Variants in RBM47 observed in about 807,000 individuals in gnomAD.
RBM47 encodes RNA binding motif protein 47.
Under a neutral mutation model 47.1 loss-of-function variants are expected in RBM47, and 21 were observed. That is an observed-to-expected ratio of 0.45 (90% CI 0.32 to 0.64). RBM47 has a LOEUF of 0.64. Among genes scored for constraint, RBM47 ranks in the 30% least tolerant of loss-of-function variants. The pLI is 0.05. For missense variants in RBM47, 708 were observed against 870.9 expected, an observed-to-expected ratio of 0.81 and a Z score of 2.35; for synonymous variants, 375 against 361.7, an observed-to-expected ratio of 1.04 and a Z score of -0.42.
intron 1 of RBM47, among the ~76,000 whole-genome samples, chr4:40,583,578 G>A (rs1013957227): frequency 2.6e-5 from 4 of 151,792 alleles, no homozygotes; most frequent in Non-Finnish European, 5.9e-5. Context: ...AGCAGAATGG[G>A]CCAGGCGCGG....
intron 3 of RBM47, among the ~76,000 whole-genome samples, chr4:40,456,593 A>G (rs1378766596): frequency 8.6e-6 from 1 of 116,896 alleles, no homozygotes; most frequent in Non-Finnish European, 1.7e-5. Flanking sequence ...TTTTTGAGAC[A>G]AGGGCTCTGT....
rs191833377 is a variant in RBM47, at chr4:40,568,925, G to C, written c.-239-24419C>G. Among the ~76,000 whole-genome samples, 99 of 151,840 alleles carry C rather than the reference G, an allele frequency of 6.5e-4. No homozygotes were observed. In the East Asian group the frequency reaches 0.01, roughly 16 times the overall value. The stretch of plus-strand genomic sequence containing the variant: ...GAAACCGGGAGGCGGAGGTTACAGT[G>C]AGCCGAGATTGCGCCATTGCACTCC... On this transcript the variant is annotated intron_variant, in intron 1 of 6. Coordinates refer to ENST00000295971, the MANE Select transcript of RBM47 (RefSeq NM_001098634.2).
chr4:40,541,136 A>T (rs1261519740), intron 2 of RBM47, among the ~76,000 whole-genome samples: 1 of 151,272 alleles, frequency 6.6e-6, no homozygotes, highest in Non-Finnish European at 1.5e-5. Flanking sequence ...AAAAAATTAA[A>T]AATTAGCTGG....
chr4:40,433,250 C>T (rs533603973), intron 5 of RBM47, among the ~76,000 whole-genome samples: 15 of 152,204 alleles, frequency 9.9e-5, no homozygotes, highest in South Asian at 2.1e-4. Context: ...TGTGAGCCAC[C>T]GCGCCCAGCC....
At chr4:40,613,298 T>C (rs1371606961) in intron 1 of RBM47, among the ~76,000 whole-genome samples, 1 of 152,160 alleles carries the variant, frequency 6.6e-6, no homozygotes, top group Non-Finnish European at 1.5e-5. Context: ...ACTAACAACT[T>C]TCTCAAAGTT....
intron 1 of RBM47, among the ~76,000 whole-genome samples, chr4:40,560,577 G>A (rs964594362): frequency 1.3e-5 from 2 of 152,192 alleles, no homozygotes; most frequent in South Asian, 2.1e-4. Context: ...TGACCTCCCC[G>A]ACCCTCTCCT....
chr4:40,596,476 T>C (rs1384134662), intron 1 of RBM47, among the ~76,000 whole-genome samples: 2 of 152,184 alleles, frequency 1.3e-5, no homozygotes, highest in Non-Finnish European at 2.9e-5. Context: ...TAGCAACCAT[T>C]TTGTAAAGGG....
chr4:40,509,113 T>C (rs1425939870), intron 2 of RBM47, among the ~76,000 whole-genome samples: 4 of 151,882 alleles, frequency 2.6e-5, no homozygotes, highest in Non-Finnish European at 5.9e-5. Context: ...TGAGCCGAGA[T>C]TGTGCCACTG....
chr4:40,613,823 C>G (rs1323951627), intron 1 of RBM47, among the ~76,000 whole-genome samples: 7 of 151,256 alleles, frequency 4.6e-5, no homozygotes, highest in Middle Eastern at 3.2e-3. Flanking sequence ...AAAAAAAGGA[C>G]AGTAGTGACT....
At chr4:40,480,913 A>G (rs1416483279) in intron 2 of RBM47, among the ~76,000 whole-genome samples, 1 of 152,162 alleles carries the variant, frequency 6.6e-6, no homozygotes, top group Admixed American at 6.5e-5. Flanking sequence ...CAAGTCACAT[A>G]TCATGTGTAA....
At chr4:40,491,243 A>G (rs1721830427) in intron 2 of RBM47, among the ~76,000 whole-genome samples, 2 of 152,220 alleles carry the variant, frequency 1.3e-5, no homozygotes, top group Admixed American at 1.3e-4. Context: ...CTTTTGAAGA[A>G]ATTATGCTTT....
chr4:40,481,489 T>A (rs76195005), intron 2 of RBM47, among the ~76,000 whole-genome samples: 7,310 of 110,058 alleles, frequency 0.066, 211 homozygotes, highest in East Asian at 0.079. Flanking sequence ...TATTATTATT[T>A]TTATTTTTAT....
intron 2 of RBM47, among the ~76,000 whole-genome samples, chr4:40,529,627 G>A (rs1259597780): frequency 3.4e-5 from 5 of 148,622 alleles, no homozygotes; most frequent in Non-Finnish European, 7.4e-5. Context: ...CGAAGAGCTC[G>A]AGACAAGTCT....
rs376724930 is a variant in RBM47, at chr4:40,618,502, C to T, written c.-240+10894G>A. On this transcript the variant is annotated intron_variant, in intron 1 of 6. Transcript: ENST00000295971. ...AGGTGTCTCCTGCTTTTGCTAGAGGCACTGGATATAAAAGGGGGAAACTTC... is the reference window on the plus strand; with the variant it reads ...AGGTGTCTCCTGCTTTTGCTAGAGGTACTGGATATAAAAGGGGGAAACTTC... 1.3e-3 allele frequency among the ~76,000 whole-genome samples: 197 copies of T among 152,078 alleles called. 1 individual carries two copies. The highest frequency in any genetic ancestry group is 4.3e-3 in the African/African-American group (179 of 41,492).
intron 1 of RBM47, among the ~76,000 whole-genome samples, chr4:40,602,962 T>A (rs1735418236): frequency 6.6e-6 from 1 of 152,106 alleles, no homozygotes; most frequent in Non-Finnish European, 1.5e-5. Context: ...GGCTGAAGCA[T>A]GTGATTGCTT....
Position 40,582,651 on chromosome 4 carries a change from G to A in RBM47, c.-239-38145C>T, listed in dbSNP as rs569928633. On this transcript the variant is annotated intron_variant, in intron 1 of 6. Transcript: ENST00000295971. ...TGCCTCACTCCAACTCCATCCTTCC[G>A]TACTATGACCCCATATGCCATACAA... is the stretch of plus-strand genomic sequence containing the variant. 6.2e-4 allele frequency among the ~76,000 whole-genome samples: 94 copies of A among 152,244 alleles called. 1 individual carries two copies. In the South Asian group the frequency reaches 0.018, roughly 29 times the overall value.
intron 3 of RBM47, among the ~76,000 whole-genome samples, chr4:40,458,831 G>T (rs1197056917): frequency 6.6e-6 from 1 of 151,874 alleles, no homozygotes; most frequent in Non-Finnish European, 1.5e-5. Context: ...TAAAAAACAG[G>T]TCCTTCTGCA....
chr4:40,509,526 C>T (rs1448204758), intron 2 of RBM47, among the ~76,000 whole-genome samples: 2 of 152,028 alleles, frequency 1.3e-5, no homozygotes, highest in Admixed American at 6.6e-5. Context: ...TACTTGAGCC[C>T]AGGAATTTGA....
Position 40,432,702 on chromosome 4 carries a change from T to C in RBM47, c.1491A>G (p.Ala497=), listed in dbSNP as rs1560350169. 1.3e-6 allele frequency: 2 copies of C among 1,589,798 alleles called. No individual in the cohort carries two copies. The highest frequency in any genetic ancestry group is 1.7e-6 in the Non-Finnish European group (2 of 1,164,900). The change falls in exon 6 of 7, where the codon GCA becomes GCG. Residue 497 remains alanine, a synonymous_variant. Transcript: ENST00000295971. The part of the protein sequence containing the change: ...ASAAAAAAAA[A]AAAAAVIPTV... ...TGGGAATGACAGCGGCTGCGGCGGC[T>C]GCGGCCGCGGCTGCGGCGGCAGCAG...
Sources: allele counts gnomAD v4.1 joint callset (sites outside exome capture counted in the v4.1 genomes callset), GRCh38; gene constraint gnomAD v4.1.1; transcripts MANE v1.5; gene names NCBI Gene and HGNC (gene_info 2026-07-23, HGNC 2026-07-21).